NEK11: variants seen among roughly 807,000 people sequenced by gnomAD.
The protein encoded by NEK11 is NIMA related kinase 11.
In NEK11, 72 loss-of-function variants were observed where a neutral mutation model predicts 80.7. The observed-to-expected ratio is 0.89, with a 90% CI of 0.74 to 1.08. The LOEUF is 1.08. Ranked by LOEUF, NEK11 falls within the 50% of genes least tolerant of loss-of-function variation. The pLI, the probability that NEK11 is intolerant of heterozygous loss-of-function variation, is 0.00. For missense variants in NEK11, 764 were observed against 763.6 expected (o/e 1.00, Z -0.01); for synonymous variants, 251 against 260.7 (o/e 0.96, Z 0.36).
At chr3:131,150,688 G>T (rs1268606261) in intron 7 of NEK11, among the ~76,000 whole-genome samples, 1 of 151,626 alleles carries the variant, frequency 6.6e-6, no homozygotes, top group African/African-American at 2.4e-5. Context: ...CCTTATTTTT[G>T]TCATGAATTT....
intron 12 of NEK11, 79 bp downstream of exon 12, chr3:131,165,598 G>C: frequency 1.2e-6 from 1 of 820,676 alleles, no homozygotes; most frequent in Non-Finnish European, 2.0e-6. Context: ...GTAGGAAAAG[G>C]GACAAGGGAG....
intron 17 of NEK11, among the ~76,000 whole-genome samples, chr3:131,283,516 C>CTGTG (rs4044351): frequency 0.017 from 2,496 of 147,336 alleles, 21 homozygotes; most frequent in East Asian, 0.027. Context: ...CAGGCTATTA[C>CTGTG]TGTGTGTGTG....
intron 14 of NEK11, among the ~76,000 whole-genome samples, chr3:131,207,256 T>C (rs2718867): frequency 0.8 from 121,487 of 152,114 alleles, 48,630 homozygotes; most frequent in East Asian, 0.93. Context: ...TCTTCCACAA[T>C]GGTTGAACTA....
At chr3:131,106,304 C>T (rs1225459921) in intron 4 of NEK11, among the ~76,000 whole-genome samples, 2 of 147,160 alleles carry the variant, frequency 1.4e-5, no homozygotes, top group Non-Finnish European at 3.0e-5. Context: ...TTTTTTTTCC[C>T]ATCCTTCGTA....
In NEK11 at chr3:131,332,579, C is replaced by T. The variant is rs368046782; in HGVS notation, c.1719-16978C>T. On this transcript the variant is annotated intron_variant, in intron 17 of 17. Coordinates refer to ENST00000383366, the MANE Select transcript of NEK11 (RefSeq NM_024800.5). ...GAGCGCCTCTCCTCCTCCAAAGGAACGCAGTTCCTCACCAGCAACGGAACA... is the reference window on the plus strand; with the variant it reads ...GAGCGCCTCTCCTCCTCCAAAGGAATGCAGTTCCTCACCAGCAACGGAACA... Among the ~76,000 whole-genome samples the T allele has an allele frequency of 2.0e-4, 31 of 151,984 alleles. No individual in the cohort carries two copies. The East Asian group carries it at 3.7e-3, about 18-fold the overall frequency.
chr3:131,128,104 T>C (rs2083686377), intron 5 of NEK11, among the ~76,000 whole-genome samples: 1 of 152,226 alleles, frequency 6.6e-6, no homozygotes, highest in African/African-American at 2.4e-5. Context: ...TTGCCTCCCC[T>C]GTTATCAGCA....
At chr3:131,083,384 C>G (rs2075559072) in intron 4 of NEK11, among the ~76,000 whole-genome samples, 1 of 152,210 alleles carries the variant, frequency 6.6e-6, no homozygotes, top group Non-Finnish European at 1.5e-5. Context: ...TGCTGAGAGA[C>G]AGCTGTGGGG....
intron 4 of NEK11, among the ~76,000 whole-genome samples, chr3:131,103,933 C>T (rs959425408): frequency 6.6e-6 from 1 of 152,142 alleles, no homozygotes; most frequent in African/African-American, 2.4e-5. Flanking sequence ...GCTGCAGTGG[C>T]AGCAATGGCA....
chr3:131,246,795 A>C (rs986851512), intron 16 of NEK11, among the ~76,000 whole-genome samples: 5 of 152,106 alleles, frequency 3.3e-5, no homozygotes, highest in African/African-American at 1.2e-4. Flanking sequence ...GATTTTTAAA[A>C]TTATGGCCAT....
intron 3 of NEK11, among the ~76,000 whole-genome samples, chr3:131,064,546 TG>T (rs2071519460): frequency 6.6e-6 from 1 of 152,184 alleles, no homozygotes; most frequent in Admixed American, 6.5e-5. Context: ...AGTTACATTC[TG>T]AGGCACTGGG....
At chr3:131,183,252 C>T (rs535355702) in intron 14 of NEK11, among the ~76,000 whole-genome samples, 1 of 152,310 alleles carries the variant, frequency 6.6e-6, no homozygotes, top group East Asian at 1.9e-4. Context: ...ACTATGCTAA[C>T]ATGTTCACAG....
At chr3:131,215,684 A>G (rs2094811085) in intron 14 of NEK11, among the ~76,000 whole-genome samples, 1 of 152,020 alleles carries the variant, frequency 6.6e-6, no homozygotes, top group Non-Finnish European at 1.5e-5. Flanking sequence ...TGGAGACACT[A>G]CCTCTCCCCT....
Position 131,212,454 on chromosome 3 carries a change from TGAG to T in NEK11, c.1400-16069_1400-16067del, listed in dbSNP as rs1360368073. On this transcript the variant is annotated intron_variant, in intron 14 of 17. Coordinates refer to ENST00000383366, the MANE Select transcript of NEK11 (RefSeq NM_024800.5). ...GCTGCTCGGGGGTCAGGGACCCACTTGAGGAGGCAGTCTGTCCATTCTCAGATC... is the reference window on the plus strand; with the variant it reads ...GCTGCTCGGGGGTCAGGGACCCACTTGAGGCAGTCTGTCCATTCTCAGATC... 3.3e-5 allele frequency among the ~76,000 whole-genome samples: 5 copies of T among 152,172 alleles called. No individual in the cohort carries two copies. In the East Asian group the frequency reaches 9.6e-4, roughly 29 times the overall value.
At chr3:131,322,479 A>C (rs1371579054) in intron 17 of NEK11, among the ~76,000 whole-genome samples, 2 of 152,228 alleles carry the variant, frequency 1.3e-5, no homozygotes, top group Non-Finnish European at 2.9e-5. Flanking sequence ...TTAAAAAGCT[A>C]GTTCATAGTT....
intron 3 of NEK11, among the ~76,000 whole-genome samples, chr3:131,037,697 G>C (rs1420159965): frequency 6.6e-6 from 1 of 152,166 alleles, no homozygotes; most frequent in Non-Finnish European, 1.5e-5. Flanking sequence ...CTTTAGCAAA[G>C]CTAATATTTA....
intron 15 of NEK11, 136 bp from the exon 16 acceptor site, chr3:131,243,300 T>C (rs72991517): frequency 0.021 from 13,761 of 663,052 alleles, 776 homozygotes; most frequent in African/African-American, 0.16. Context: ...TTTTTCTTTT[T>C]AAAAATAGGA....
rs139031133 is a variant in NEK11, at chr3:131,348,012, AT to A, written c.1719-1542del. ...TTCTTCAAGTTAAAGTCACACAAATATTTATACACTTTGACCTAATAATCTC... is the reference window on the plus strand; with the variant it reads ...TTCTTCAAGTTAAAGTCACACAAATATTATACACTTTGACCTAATAATCTC... On this transcript the variant is annotated intron_variant, in intron 17 of 17. Coordinates refer to ENST00000383366, the MANE Select transcript of NEK11 (RefSeq NM_024800.5). Among the ~76,000 whole-genome samples the A allele has an allele frequency of 3.6e-4, 55 of 152,304 alleles. No individual in the cohort carries two copies. In the East Asian group the frequency reaches 9.1e-3, roughly 25 times the overall value.
At chr3:131,141,815 T>C (rs1230187973) in intron 7 of NEK11, among the ~76,000 whole-genome samples, 2 of 152,062 alleles carry the variant, frequency 1.3e-5, no homozygotes, top group Non-Finnish European at 2.9e-5. Flanking sequence ...GAGGGGAGTG[T>C]TGGTACATTT....
chr3:131,158,933 A>C (rs2091147249), intron 10 of NEK11, among the ~76,000 whole-genome samples: 1 of 152,150 alleles, frequency 6.6e-6, no homozygotes, highest in Admixed American at 6.5e-5. Context: ...CCCCAGCGCA[A>C]TGAGTTGACG....
Sources: allele counts gnomAD v4.1 joint callset (sites outside exome capture counted in the v4.1 genomes callset), GRCh38; gene constraint gnomAD v4.1.1; transcripts MANE v1.5; gene names NCBI Gene and HGNC (gene_info 2026-07-23, HGNC 2026-07-21).